Variants in MRC2 observed in about 807,000 individuals in gnomAD.
The protein encoded by MRC2 is mannose receptor C-type 2, also known as C-type mannose receptor 2.
Under a neutral mutation model 206.2 loss-of-function variants are expected in MRC2, and 84 were observed. That is an observed-to-expected ratio of 0.41 (90% CI 0.34 to 0.49). MRC2 has a LOEUF of 0.49. Among genes scored for constraint, MRC2 ranks in the 20% least tolerant of loss-of-function variants. The pLI is 0.31. For synonymous variants in MRC2, 798 were observed against 800.0 expected, an observed-to-expected ratio of 1.00 and a Z score of 0.04; for missense variants, 1,676 against 2,001.5, an observed-to-expected ratio of 0.84 and a Z score of 3.10.
intron 13 of MRC2, 37 bp from the exon 14 acceptor site, chr17:62,679,763 C>G (rs1293005605): frequency 6.3e-7 from 1 of 1,599,892 alleles, no homozygotes; most frequent in Non-Finnish European, 8.5e-7. Context: ...CTCTCACTTC[C>G]CATCTCTTCC....
intron 20 of MRC2, 46 bp downstream of exon 20, chr17:62,682,423 G>T: frequency 6.4e-7 from 1 of 1,572,882 alleles, no homozygotes; most frequent in African/African-American, 1.4e-5. Flanking sequence ...GGGAGAGGAC[G>T]TGAACAGGGA....
At chr17:62,681,444 G>A (rs534926515) in intron 18 of MRC2, 166 of 506,124 alleles carry the variant, frequency 3.3e-4, no homozygotes, top group African/African-American at 3.1e-3. Flanking sequence ...CCCTCTCGGG[G>A]AAGTGGGCAG....
Position 62,667,054 on chromosome 17 carries a change from A to G in MRC2, c.973+184A>G, listed in dbSNP as rs371012635. 1.3e-3 allele frequency among the ~76,000 whole-genome samples: 196 copies of G among 152,064 alleles called. 3 individuals are homozygous for G. The South Asian group carries it at 0.04, about 31-fold the overall frequency. On this transcript the variant is annotated intron_variant, in intron 5 of 29. Coordinates refer to ENST00000303375, the MANE Select transcript of MRC2 (RefSeq NM_006039.5). This position sits in a 1 kb window ranked among gnomAD's most constrained non-coding sequence, Gnocchi z 4.1. ...GTAGGGCGGCGCTGCCCCAGGCCGA[A>G]GGTCTTGGTGCATATGGACTGGGTG...
chr17:62,638,317 A>C (rs2088352626), intron 1 of MRC2, among the ~76,000 whole-genome samples: 1 of 152,246 alleles, frequency 6.6e-6, no homozygotes, highest in South Asian at 2.1e-4. Flanking sequence ...GTTTTAAATT[A>C]AAATAAACAG....
chr17:62,628,302 G>A (rs1568044166), intron 1 of MRC2, among the ~76,000 whole-genome samples: 1 of 152,160 alleles, frequency 6.6e-6, no homozygotes, highest in Non-Finnish European at 1.5e-5. Context: ...GGGAGCCAGG[G>A]CTCTCTGTCC....
chr17:62,635,538 G>A (rs1338607560), intron 1 of MRC2, among the ~76,000 whole-genome samples: 4 of 152,092 alleles, frequency 2.6e-5, no homozygotes, highest in Non-Finnish European at 5.9e-5. Context: ...GTTGCCTTTA[G>A]CCTACTGTCT....
In MRC2 at chr17:62,689,502, C is replaced by G; in HGVS notation, c.3335-20C>G. On this transcript the variant is annotated intron_variant, in intron 23 of 29. Coordinates refer to ENST00000303375, the MANE Select transcript of MRC2 (RefSeq NM_006039.5). The stretch of plus-strand genomic sequence containing the variant: ...TGAGGGAAGCAGAGCCCAGCCTGAA[C>G]CCTGACCCCTTCCCTGTAGACCCCT... 6.7e-7 allele frequency: 1 copy of G among 1,497,386 alleles called. No homozygotes were observed. Among genetic ancestry groups the G allele is most frequent in the Non-Finnish European group, 9.1e-7 (1 of 1,103,474 alleles). The allele number at this position is 1,497,386 out of a possible 1,614,324, so 92.8% of individuals were successfully genotyped here.
At chr17:62,640,937 C>G (rs1358946772) in intron 1 of MRC2, among the ~76,000 whole-genome samples, 2 of 151,760 alleles carry the variant, frequency 1.3e-5, no homozygotes, top group Non-Finnish European at 1.5e-5. Context: ...CTCCTGACCT[C>G]ATGATCCACC....
chr17:62,681,368 C>T (rs1014841898), intron 18 of MRC2: 2 of 583,610 alleles, frequency 3.4e-6, no homozygotes, highest in African/African-American at 1.9e-5. Flanking sequence ...TACGCAGCAT[C>T]CAGCACATTA....
At position 62,667,603 on chromosome 17, in the gene MRC2, G is replaced by A. The variant is rs564067998; in HGVS notation, c.1117+70G>A. The A allele has an allele frequency of 5.5e-5, 83 of 1,512,846 alleles. No individual in the cohort carries two copies. In the African/African-American group the frequency reaches 1.2e-3, roughly 21 times the overall value. The allele number at this position is 1,512,846 out of a possible 1,614,324, so 93.7% of individuals were successfully genotyped here. A position where few individuals can be genotyped will look rare whatever the true frequency, so the allele number is the denominator to read the frequency against. On this transcript the variant is annotated intron_variant, in intron 6 of 29. Coordinates refer to ENST00000303375, the MANE Select transcript of MRC2 (RefSeq NM_006039.5). This position sits in a 1 kb window ranked among gnomAD's most constrained non-coding sequence, Gnocchi z 4.1. ...CCAGGGACACAGCCACAGAGCCGTG[G>A]CAGGCCCAGCCTCTCCTCCGGTTAC...
chr17:62,680,525 A>G lies in MRC2; in HGVS notation c.2473+72A>G, dbSNP rs2088951052. ...CGTCAACTCTGGGGTAAGTCCCGAGAGGCCTGAATGAAATGGAGGGGATGA... is the reference window on the plus strand; with the variant it reads ...CGTCAACTCTGGGGTAAGTCCCGAGGGGCCTGAATGAAATGGAGGGGATGA... On this transcript the variant is annotated intron_variant, in intron 16 of 29. Coordinates refer to ENST00000303375, the MANE Select transcript of MRC2 (RefSeq NM_006039.5). This position sits in a 1 kb window ranked among gnomAD's most constrained non-coding sequence, Gnocchi z 4.8. 1 of 1,586,630 alleles carries G rather than the reference A, an allele frequency of 6.3e-7. No individual in the cohort carries two copies. The highest frequency in any genetic ancestry group is 1.1e-5 in the South Asian group (1 of 89,976).
rs558516868 is a variant in MRC2 at position 62,670,857 on chromosome 17, G to T, written c.1118-792G>T. ...GCCTGGGCCCCATTAGTGGCTCAAG[G>T]TCCCGTTTCCCAGTTTTCTCCCTCC... On this transcript the variant is annotated intron_variant, in intron 6 of 29. Coordinates refer to ENST00000303375, the MANE Select transcript of MRC2 (RefSeq NM_006039.5). Among the ~76,000 whole-genome samples the T allele has an allele frequency of 5.9e-5, 9 of 152,176 alleles. No individual in the cohort carries two copies. The South Asian group carries it at 1.5e-3, about 25-fold the overall frequency.
intron 2 of MRC2, among the ~76,000 whole-genome samples, 189 bp downstream of exon 2, chr17:62,665,138 G>A (rs909586857): frequency 6.6e-6 from 1 of 152,142 alleles, no homozygotes; most frequent in African/African-American, 2.4e-5. Context: ...GGTGGCTCAC[G>A]CCTGTAATCC....
In MRC2 at chr17:62,680,022, G is replaced by A; in HGVS notation, c.2298+120G>A. 1 of 1,488,050 alleles carries A rather than the reference G, an allele frequency of 6.7e-7. No homozygotes were observed. Among genetic ancestry groups the A allele is most frequent in the Non-Finnish European group, 9.1e-7 (1 of 1,098,330 alleles). The allele number at this position is 1,488,050 out of a possible 1,614,324, so 92.2% of individuals were successfully genotyped here. A position where few individuals can be genotyped will look rare whatever the true frequency, so the allele number is the denominator to read the frequency against. ...AGGGCCGGGCCCCCAGTCGGAGCCGGCTTCAGGAAAGCAGGTCCGAGAGGG... is the reference window on the plus strand; with the variant it reads ...AGGGCCGGGCCCCCAGTCGGAGCCGACTTCAGGAAAGCAGGTCCGAGAGGG... On this transcript the variant is annotated intron_variant, in intron 14 of 29. Coordinates refer to ENST00000303375, the MANE Select transcript of MRC2 (RefSeq NM_006039.5). The surrounding 1 kb of genome is among the most constrained non-coding windows in gnomAD (Gnocchi z 4.8).
At chr17:62,669,049 G>C (rs1202321687) in intron 6 of MRC2, among the ~76,000 whole-genome samples, 1 of 151,634 alleles carries the variant, frequency 6.6e-6, no homozygotes, top group African/African-American at 2.4e-5. Context: ...GCGAAGCTGT[G>C]GGGTGGTGAG....
chr17:62,638,053 G>C (rs2088348061), intron 1 of MRC2, among the ~76,000 whole-genome samples: 1 of 152,074 alleles, frequency 6.6e-6, no homozygotes, highest in Non-Finnish European at 1.5e-5. Flanking sequence ...AGTAGTGGGA[G>C]GGTCTTCCTA....
Position 62,667,597 on chromosome 17 carries a change from G to A in MRC2, c.1117+64G>A. On this transcript the variant is annotated intron_variant, in intron 6 of 29. Coordinates refer to ENST00000303375, the MANE Select transcript of MRC2 (RefSeq NM_006039.5). This position sits in a 1 kb window ranked among gnomAD's most constrained non-coding sequence, Gnocchi z 4.1. ...CCAGGGCCAGGGACACAGCCACAGAGCCGTGGCAGGCCCAGCCTCTCCTCC... is the reference window on the plus strand; with the variant it reads ...CCAGGGCCAGGGACACAGCCACAGAACCGTGGCAGGCCCAGCCTCTCCTCC... 4 of 1,518,398 alleles carry A rather than the reference G, an allele frequency of 2.6e-6. No individual in the cohort carries two copies. The highest frequency in any genetic ancestry group is 2.6e-6 in the Non-Finnish European group (3 of 1,143,310). 94.1% of individuals were successfully genotyped at this position (1,518,398 alleles called of 1,614,324 possible).
In MRC2 at chr17:62,672,015, A is replaced by G. The variant is rs1278740703; in HGVS notation, c.1324A>G (p.Ile442Val). ...ACCCCCAGAGGTGGAGGAGCTGTGGATCGGCCTCAACGATTTGAAACTGCA... is the reference window on the plus strand; with the variant it reads ...ACCCCCAGAGGTGGAGGAGCTGTGGGTCGGCCTCAACGATTTGAAACTGCA... The part of the protein sequence containing the change: ...QIKQEVEELW[I>V]GLNDLKLQMN... The change falls in exon 8 of 30, where the codon ATC becomes GTC. Residue 442 changes from isoleucine (I) to valine (V), a missense_variant. By Grantham distance (29) the Ile-to-Val change is conservative. This residue lies in a region of MRC2 where 1,354 missense variants were observed against 1,636.6 expected (regional missense o/e 0.83). Coordinates refer to ENST00000303375, the MANE Select transcript of MRC2 (RefSeq NM_006039.5). The surrounding 1 kb of genome is among the most constrained non-coding windows in gnomAD (Gnocchi z 4.5). 1.2e-6 allele frequency: 2 copies of G among 1,614,088 alleles called. No individual in the cohort carries two copies. The highest frequency in any genetic ancestry group is 1.7e-6 in the Non-Finnish European group (2 of 1,180,018).
rs190638289 is a variant in MRC2, at chr17:62,662,238, G to A, written c.119-2310G>A. Among the ~76,000 whole-genome samples the A allele has an allele frequency of 5.5e-4, 83 of 149,600 alleles. 2 individuals carry two copies. The highest frequency in any genetic ancestry group is 4.3e-3 in the East Asian group (22 of 5,152). On this transcript the variant is annotated intron_variant, in intron 1 of 29. Transcript: ENST00000303375. ...GCACTCTAGCCTGGGTGACAGAGCG[G>A]GACTCTGTCTCAAAAAAAAAAAAAA...
Sources: gnomAD v4.1 joint callset for allele counts (sites outside exome capture counted in the v4.1 genomes callset) on GRCh38, gnomAD v4.1.1 for gene constraint, gnomAD v4.1.1 regional missense constraint, Gnocchi (gnomAD v3.1) non-coding constraint, MANE v1.5 for transcripts, NCBI Gene and HGNC (gene_info 2026-07-23, HGNC 2026-07-21) for gene names.